Variants in ZBBX observed in about 807,000 individuals in gnomAD.
ZBBX encodes zinc finger B-box domain-containing protein 1.
ZBBX carries 101 observed loss-of-function variants against 108.5 expected under a neutral mutation model. The observed-to-expected ratio is 0.93, with a 90% CI of 0.79 to 1.10. The LOEUF (loss-of-function observed/expected upper bound fraction) is 1.10, where lower values mean the gene tolerates loss of function less well. ZBBX is among the 50% of genes least tolerant of loss of function. The pLI, the probability that ZBBX is intolerant of heterozygous loss-of-function variation, is 0.00. For missense variants in ZBBX, 1,009 were observed against 941.4 expected (o/e 1.07, Z -0.94); for synonymous variants, 356 against 323.4 (o/e 1.10, Z -1.08).
At chr3:167,277,859 C>A (rs994545229) in intron 20 of ZBBX, among the ~76,000 whole-genome samples, 12 of 152,086 alleles carry the variant, frequency 7.9e-5, no homozygotes, top group Non-Finnish European at 1.5e-4. Flanking sequence ...GTAAAGCTCT[C>A]CTCAGCAAAT....
At chr3:167,266,928 C>T (rs1246639299) in intron 20 of ZBBX, among the ~76,000 whole-genome samples, 2 of 152,088 alleles carry the variant, frequency 1.3e-5, no homozygotes, top group African/African-American at 4.8e-5. Flanking sequence ...AATCGAGACC[C>T]ACCCAGTGTG....
intron 19 of ZBBX, among the ~76,000 whole-genome samples, chr3:167,286,494 G>A (rs1283561957): frequency 1.3e-5 from 2 of 152,008 alleles, no homozygotes; most frequent in African/African-American, 4.8e-5. Context: ...ACTATAAATA[G>A]TAGAATATAA....
At chr3:167,337,687 C>T (rs185467709) in intron 9 of ZBBX, among the ~76,000 whole-genome samples, 8 of 152,124 alleles carry the variant, frequency 5.3e-5, no homozygotes, top group South Asian at 2.1e-4. Flanking sequence ...ATGGGCATAT[C>T]GTATAATCTT....
At chr3:167,257,269 T>C (rs934693637) in intron 20 of ZBBX, among the ~76,000 whole-genome samples, 6 of 152,200 alleles carry the variant, frequency 3.9e-5, no homozygotes, top group Non-Finnish European at 8.8e-5. Context: ...TTTTGTATCC[T>C]GCAACTTACT....
chr3:167,258,010 T>C (rs904803001), intron 20 of ZBBX, among the ~76,000 whole-genome samples: 3 of 152,186 alleles, frequency 2.0e-5, no homozygotes, highest in African/African-American at 7.2e-5. Flanking sequence ...TTTAATTCGG[T>C]CTCAGCTATT....
In ZBBX at chr3:167,350,523, G is replaced by T. The variant is rs780614730; in HGVS notation, c.433-8C>A. On this transcript the variant is annotated splice_region_variant and splice_polypyrimidine_tract_variant and intron_variant, in intron 8 of 21. Coordinates refer to ENST00000675490, the MANE Select transcript of ZBBX (RefSeq NM_001199201.2). ...TCCACATTCAAGGCATACCTAAAAAGATATTTTTTAAAAAATTATACAATC... is the reference window on the plus strand; with the variant it reads ...TCCACATTCAAGGCATACCTAAAAATATATTTTTTAAAAAATTATACAATC... 1.9e-6 allele frequency: 3 copies of T among 1,551,476 alleles called. No homozygotes were observed. The highest frequency in any genetic ancestry group is 2.7e-5 in the African/African-American group (2 of 73,312).
intron 20 of ZBBX, among the ~76,000 whole-genome samples, chr3:167,260,148 T>C (rs982657468): frequency 6.6e-6 from 1 of 152,182 alleles, no homozygotes; most frequent in Non-Finnish European, 1.5e-5. Flanking sequence ...TTGAGAAGGC[T>C]GAAGATAGGG....
intron 4 of ZBBX, among the ~76,000 whole-genome samples, chr3:167,369,715 G>C (rs1275479101): frequency 1.3e-5 from 2 of 152,096 alleles, no homozygotes; most frequent in Admixed American, 6.5e-5. Context: ...GGAAGTACAG[G>C]GGGCTACCTG....
intron 3 of ZBBX, among the ~76,000 whole-genome samples, chr3:167,373,163 C>T (rs1252063782): frequency 6.6e-6 from 1 of 151,896 alleles, no homozygotes; most frequent in Non-Finnish European, 1.5e-5. Context: ...ATAAAAAATA[C>T]AAAAAAAGTA....
At chr3:167,360,816 T>C (rs1403101805) in intron 6 of ZBBX, 93 bp from the exon 7 acceptor site, 3 of 674,894 alleles carry the variant, frequency 4.4e-6, no homozygotes, top group Non-Finnish European at 6.7e-6. Context: ...GTAGCTTTGG[T>C]GCTTTTCGAA....
chr3:167,217,799 A>G, the ZBBX span, among the ~76,000 whole-genome samples: 1 of 152,154 alleles, frequency 6.6e-6, no homozygotes, highest in Non-Finnish European at 1.5e-5. Flanking sequence ...GAACGAGATC[A>G]TGTCTTTGGT....
chr3:167,355,406 G>C (rs552356685), intron 8 of ZBBX, among the ~76,000 whole-genome samples: 1 of 151,892 alleles, frequency 6.6e-6, no homozygotes, highest in Admixed American at 6.6e-5. Context: ...GAGATAAAGA[G>C]GGATTAAGTC....
chr3:167,320,337 T>C (rs1266604383), intron 12 of ZBBX, among the ~76,000 whole-genome samples: 1 of 149,800 alleles, frequency 6.7e-6, no homozygotes, highest in African/African-American at 2.5e-5. Context: ...ATAATTTGAG[T>C]TGCAAAATAA....
intron 20 of ZBBX, among the ~76,000 whole-genome samples, chr3:167,252,781 G>A (rs1722839108): frequency 6.6e-6 from 1 of 151,972 alleles, no homozygotes; most frequent in Admixed American, 6.5e-5. Flanking sequence ...AAAAACTGAA[G>A]CACATAGGAA....
At chr3:167,389,934 A>G (rs923271143) in intron 1 of ZBBX, among the ~76,000 whole-genome samples, 9 of 152,064 alleles carry the variant, frequency 5.9e-5, no homozygotes, top group Non-Finnish European at 1.2e-4. Context: ...CTCTGACTAT[A>G]GTTTCTTTTG....
chr3:167,258,850 G>C (rs1328995579), intron 20 of ZBBX, among the ~76,000 whole-genome samples: 1 of 152,114 alleles, frequency 6.6e-6, no homozygotes, highest in Non-Finnish European at 1.5e-5. Flanking sequence ...TTATCTTTTT[G>C]ATATATTGTT....
the ZBBX span, among the ~76,000 whole-genome samples, chr3:167,204,001 A>G: frequency 1.3e-5 from 2 of 152,126 alleles, no homozygotes; most frequent in Non-Finnish European, 2.9e-5. Context: ...AAGATAAGAC[A>G]CTAAAATATC....
chr3:167,252,160 T>C (rs1255392588), intron 20 of ZBBX: 10 of 1,289,478 alleles, frequency 7.8e-6, no homozygotes, highest in African/African-American at 3.0e-5. Context: ...TTCTCCCAGC[T>C]CCTTAACATG....
At chr3:167,290,596 G>A (rs1308131866) in intron 18 of ZBBX, among the ~76,000 whole-genome samples, 2 of 152,150 alleles carry the variant, frequency 1.3e-5, no homozygotes. Flanking sequence ...ACGAAGATGG[G>A]GAGAAACCAG....
Sources: allele counts gnomAD v4.1 joint callset (sites outside exome capture counted in the v4.1 genomes callset), GRCh38; gene constraint gnomAD v4.1.1; transcripts MANE v1.5; gene names NCBI Gene and HGNC (gene_info 2026-07-23, HGNC 2026-07-21).